Variants in RLBP1 observed in about 807,000 individuals in gnomAD.
RLBP1 encodes the protein retinaldehyde binding protein 1, also known as retinaldehyde-binding protein 1.
Under a neutral mutation model 36.2 loss-of-function variants are expected in RLBP1, and 26 were observed. The observed-to-expected ratio is 0.72, with a 90% CI of 0.53 to 1.00. RLBP1 has a LOEUF of 1.00. Among genes scored for constraint, RLBP1 ranks in the 50% least tolerant of loss-of-function variants. The probability of loss-of-function intolerance (pLI) is 0.00; values close to 1 mark genes in which losing one functional copy is unlikely to be tolerated. For missense variants in RLBP1, 410 were observed against 402.4 expected (o/e 1.02, Z -0.16); for synonymous variants, 155 against 156.2 (o/e 0.99, Z 0.06).
rs781696668 is a variant in RLBP1 at position 89,210,668 on chromosome 15, G to A, written c.795+31C>T. 5 of 1,481,608 alleles carry A rather than the reference G, an allele frequency of 3.4e-6. No homozygotes were observed. The African/African-American group carries it at 7.0e-5, about 21-fold the overall frequency. The allele number at this position is 1,481,608 out of a possible 1,614,324, so 91.8% of individuals were successfully genotyped here. A position where few individuals can be genotyped will look rare whatever the true frequency, so the allele number is the denominator to read the frequency against. On this transcript the variant is annotated intron_variant, in intron 8 of 8. Transcript: ENST00000268125. The surrounding 1 kb of genome is among the most constrained non-coding windows in gnomAD (Gnocchi z 4.7). ...GTGAGGCCCCACCCTCAGCCCTCTT[G>A]TCTCATTGTCTGGGCGGCCCACGTA...
Position 89,218,509 on chromosome 15 carries a change from G to A in RLBP1, c.141+56C>T, listed in dbSNP as rs770394807. On this transcript the variant is annotated intron_variant, in intron 4 of 8. Coordinates refer to ENST00000268125, the MANE Select transcript of RLBP1 (RefSeq NM_000326.5). The surrounding 1 kb of genome is among the most constrained non-coding windows in gnomAD (Gnocchi z 4.6). Reference sequence around the variant, plus strand: ...TTCACAGGAGAGAGAATGCAGTCATGTTCCCCTCATGTTGCCTCCCTAGGC... The same window carrying A: ...TTCACAGGAGAGAGAATGCAGTCATATTCCCCTCATGTTGCCTCCCTAGGC... The A allele has an allele frequency of 9.3e-6, 15 of 1,611,804 alleles. No individual in the cohort carries two copies. The highest frequency in any genetic ancestry group is 1.3e-5 in the Non-Finnish European group (15 of 1,178,588).
At chr15:89,220,695 GA>G (rs2051619678) in intron 1 of RLBP1, among the ~76,000 whole-genome samples, 1 of 152,158 alleles carries the variant, frequency 6.6e-6, no homozygotes, top group African/African-American at 2.4e-5. Flanking sequence ...GGTTTTGCTG[GA>G]ACAGGAATGG....
chr15:89,211,647 A>G lies in RLBP1; in HGVS notation c.684+96T>C. On this transcript the variant is annotated intron_variant, in intron 7 of 8. Coordinates refer to ENST00000268125, the MANE Select transcript of RLBP1 (RefSeq NM_000326.5). The surrounding 1 kb of genome is among the most constrained non-coding windows in gnomAD (Gnocchi z 5.8). ...GCTCTTTATGGCGCGAGGTGGTCCAACTTCTCAGTTCCCTGCAAGCACCAT... is the reference window on the plus strand; with the variant it reads ...GCTCTTTATGGCGCGAGGTGGTCCAGCTTCTCAGTTCCCTGCAAGCACCAT... The G allele has an allele frequency of 7.4e-7, 1 of 1,351,336 alleles. No homozygotes were observed. The highest frequency in any genetic ancestry group is 1.0e-6 in the Non-Finnish European group (1 of 958,874). 83.7% of individuals were successfully genotyped at this position (1,351,336 alleles called of 1,614,324 possible).
Position 89,214,926 on chromosome 15 carries a change from G to A in RLBP1, c.525+134C>T. 1.1e-6 allele frequency: 1 copy of A among 888,172 alleles called. No individual in the cohort carries two copies. The highest frequency in any genetic ancestry group is 2.5e-5 in the East Asian group (1 of 40,566). 55.0% of individuals were successfully genotyped at this position (888,172 alleles called of 1,614,324 possible). A position where few individuals can be genotyped will look rare whatever the true frequency, so the allele number is the denominator to read the frequency against. On this transcript the variant is annotated intron_variant, in intron 6 of 8. Transcript: ENST00000268125. This position sits in a 1 kb window ranked among gnomAD's most constrained non-coding sequence, Gnocchi z 4.6. ...TCTCCCTGCCTGGAAAGGGCTAGGTGGCAGGTGGCTGCCCACCTTTCCCCC... is the reference window on the plus strand; with the variant it reads ...TCTCCCTGCCTGGAAAGGGCTAGGTAGCAGGTGGCTGCCCACCTTTCCCCC...
chr15:89,210,220 G>T lies in RLBP1; in HGVS notation c.*65C>A. 6.3e-7 allele frequency: 1 copy of T among 1,578,648 alleles called. No individual in the cohort carries two copies. On this transcript the variant is annotated 3_prime_UTR_variant, in exon 9 of 9. Coordinates refer to ENST00000268125, the MANE Select transcript of RLBP1 (RefSeq NM_000326.5). This position sits in a 1 kb window ranked among gnomAD's most constrained non-coding sequence, Gnocchi z 4.7. ...TCTCAAGCAGCCCTTTCCTAGCCTT[G>T]GGTCCAGGACAGTTGAGGAGAGGCC...
Position 89,211,939 on chromosome 15 carries a change from G to C in RLBP1, c.526-38C>G. The C allele has an allele frequency of 8.1e-6, 13 of 1,610,674 alleles. No homozygotes were observed. The highest frequency in any genetic ancestry group is 1.1e-5 in the Non-Finnish European group (13 of 1,177,756). On this transcript the variant is annotated intron_variant, in intron 6 of 8. Coordinates refer to ENST00000268125, the MANE Select transcript of RLBP1 (RefSeq NM_000326.5). This position sits in a 1 kb window ranked among gnomAD's most constrained non-coding sequence, Gnocchi z 5.8. ...GAGAACAGGCTGTAAGATCTAACCCGCAACAATAATTAAGGCTTGAGGTCC... is the reference window on the plus strand; with the variant it reads ...GAGAACAGGCTGTAAGATCTAACCCCCAACAATAATTAAGGCTTGAGGTCC...
intron 4 of RLBP1, 62 bp from the exon 5 acceptor site, chr15:89,217,386 A>G (rs2051591380): frequency 1.3e-6 from 2 of 1,523,634 alleles, no homozygotes; most frequent in Non-Finnish European, 1.8e-6. Flanking sequence ...CAGGACACAC[A>G]GGTGATGAGT....
In RLBP1 at chr15:89,218,633, G is replaced by A. The variant is rs749519675; in HGVS notation, c.73C>T (p.Leu25Phe). The A allele has an allele frequency of 1.2e-6, 2 of 1,614,146 alleles. No homozygotes were observed. Among genetic ancestry groups the A allele is most frequent in the African/African-American group, 2.7e-5 (2 of 74,952 alleles). The part of the protein sequence containing the change: ...EQELRAQLEQ[L>F]TTKDHGPVFG... The stretch of plus-strand genomic sequence containing the variant: ...ACAGGTCCATGGTCCTTGGTTGTGA[G>A]CTGCTCCAGTTGGGCACGGAGCTCC... Residue 25 changes from leucine to phenylalanine, a missense_variant, in exon 4 of 9, where the codon CTC (leucine) becomes TTC (phenylalanine). Coordinates refer to ENST00000268125, the MANE Select transcript of RLBP1 (RefSeq NM_000326.5). The surrounding 1 kb of genome is among the most constrained non-coding windows in gnomAD (Gnocchi z 4.6).
At chr15:89,217,898 C>T (rs2051595360) in intron 4 of RLBP1, among the ~76,000 whole-genome samples, 1 of 152,196 alleles carries the variant, frequency 6.6e-6, no homozygotes, top group Non-Finnish European at 1.5e-5. Context: ...AGAACTCCTC[C>T]GTGCGCCTCA....
In RLBP1 at chr15:89,218,464, A is replaced by T; in HGVS notation, c.141+101T>A. Reference sequence around the variant, plus strand: ...GTCTATCAGGTCCAGGATGATCTGGAGTGCCGAGGCTGGACCCTTTTCACA... The same window carrying T: ...GTCTATCAGGTCCAGGATGATCTGGTGTGCCGAGGCTGGACCCTTTTCACA... On this transcript the variant is annotated intron_variant, in intron 4 of 8. Transcript: ENST00000268125. The surrounding 1 kb of genome is among the most constrained non-coding windows in gnomAD (Gnocchi z 4.6). 1.9e-6 allele frequency: 3 copies of T among 1,539,276 alleles called. 1 individual carries two copies. The highest frequency in any genetic ancestry group is 1.7e-4 in the Middle Eastern group (1 of 5,932).
chr15:89,216,457 A>G lies in RLBP1; in HGVS notation c.346+663T>C, dbSNP rs563672868. Among the ~76,000 whole-genome samples, 272 of 152,212 alleles carry G rather than the reference A, an allele frequency of 1.8e-3. 1 individual carries two copies. The highest frequency in any genetic ancestry group is 5.3e-3 in the African/African-American group (222 of 41,520). ...CCTGCTTCAGCCTCCCCAGTAGCTG[A>G]GATTACAGGCATGCGCCACCACGCC... On this transcript the variant is annotated intron_variant, in intron 5 of 8. Coordinates refer to ENST00000268125, the MANE Select transcript of RLBP1 (RefSeq NM_000326.5).
chr15:89,217,373 G>C, intron 4 of RLBP1, 49 bp from the exon 5 acceptor site: 1 of 1,570,400 alleles, frequency 6.4e-7, no homozygotes, highest in Non-Finnish European at 8.7e-7. Context: ...TGCGGGTGAG[G>C]GGCAGGACAC....
In RLBP1 at chr15:89,218,891, G is replaced by A. The variant is rs2051604722; in HGVS notation, c.12+73C>T. The A allele has an allele frequency of 1.9e-6, 3 of 1,555,270 alleles. No homozygotes were observed. The highest frequency in any genetic ancestry group is 2.7e-6 in the Non-Finnish European group (3 of 1,129,932). On this transcript the variant is annotated intron_variant, in intron 3 of 8. Transcript: ENST00000268125. The surrounding 1 kb of genome is among the most constrained non-coding windows in gnomAD (Gnocchi z 4.6). ...GCAGAGCATAAGATAGAGAAGTAAG[G>A]AGGGAGGGAGAGGGAAGAGAGAGAA...
Position 89,218,976 on chromosome 15 carries a change from G to T in RLBP1, c.-1C>A, listed in dbSNP as rs1197174948. 6.2e-7 allele frequency: 1 copy of T among 1,614,032 alleles called. No individual in the cohort carries two copies. Among genetic ancestry groups the T allele is most frequent in the South Asian group, 1.1e-5 (1 of 91,078 alleles). ...ACAGGGTACTTACCCCTTCTGACAT[G>T]TTGCCTATGGAAGACACAGAGTCCT... On this transcript the variant is annotated 5_prime_UTR_variant, in exon 3 of 9. Coordinates refer to ENST00000268125, the MANE Select transcript of RLBP1 (RefSeq NM_000326.5). This position sits in a 1 kb window ranked among gnomAD's most constrained non-coding sequence, Gnocchi z 4.6.
Position 89,210,470 on chromosome 15 carries a change from T to C in RLBP1, c.796-27A>G. 1 of 1,613,684 alleles carries C rather than the reference T, an allele frequency of 6.2e-7. No individual in the cohort carries two copies. Among genetic ancestry groups the C allele is most frequent in the Non-Finnish European group, 8.5e-7 (1 of 1,179,714 alleles). ...TGCAGGGAAGCAAGGGAGACAGAACTGAGCAGGAGGAGGTGCCCTAAGGAT... is the reference window on the plus strand; with the variant it reads ...TGCAGGGAAGCAAGGGAGACAGAACCGAGCAGGAGGAGGTGCCCTAAGGAT... On this transcript the variant is annotated intron_variant, in intron 8 of 8. Coordinates refer to ENST00000268125, the MANE Select transcript of RLBP1 (RefSeq NM_000326.5). The surrounding 1 kb of genome is among the most constrained non-coding windows in gnomAD (Gnocchi z 4.7).
rs1222357770 is a variant in RLBP1 at position 89,214,234 on chromosome 15, G to A, written c.525+826C>T. ...CCAGCACTTTGGGAGGCCGAGGTGG[G>A]CGGATCACTTGAGCTCAGGAGTTTG... On this transcript the variant is annotated intron_variant, in intron 6 of 8. Transcript: ENST00000268125. This position sits in a 1 kb window ranked among gnomAD's most constrained non-coding sequence, Gnocchi z 4.6. Among the ~76,000 whole-genome samples the A allele has an allele frequency of 2.0e-5, 3 of 152,150 alleles. No homozygotes were observed. Among genetic ancestry groups the A allele is most frequent in the Non-Finnish European group, 4.4e-5 (3 of 68,038 alleles).
chr15:89,219,616 C>G (rs2051610643), intron 2 of RLBP1, 121 bp downstream of exon 2: 1 of 156,194 alleles, frequency 6.4e-6, no homozygotes. Flanking sequence ...TTCAAATCCA[C>G]TCTCTCAGAC....
At position 89,210,142 on chromosome 15, in the gene RLBP1, G is replaced by A; in HGVS notation, c.*143C>T. 1 of 895,556 alleles carries A rather than the reference G, an allele frequency of 1.1e-6. No individual in the cohort carries two copies. Among genetic ancestry groups the A allele is most frequent in the Non-Finnish European group, 1.8e-6 (1 of 548,528 alleles). 55.5% of individuals were successfully genotyped at this position (895,556 alleles called of 1,614,324 possible). ...TACCCATCCCCCAACTTGAGAACAG[G>A]GTGACACCTGAGCTCACTCGGGCTT... On this transcript the variant is annotated 3_prime_UTR_variant, in exon 9 of 9. Transcript: ENST00000268125. This position sits in a 1 kb window ranked among gnomAD's most constrained non-coding sequence, Gnocchi z 4.7.
chr15:89,209,905 G>A lies in RLBP1; in HGVS notation c.*380C>T, dbSNP rs115275013. Reference sequence around the variant, plus strand: ...TTATCTTCTTTTATTGCATTTTGGGGGCGAATAGGGGGATATTTTAACCCG... The same window carrying A: ...TTATCTTCTTTTATTGCATTTTGGGAGCGAATAGGGGGATATTTTAACCCG... On this transcript the variant is annotated 3_prime_UTR_variant, in exon 9 of 9. Coordinates refer to ENST00000268125, the MANE Select transcript of RLBP1 (RefSeq NM_000326.5). The A allele has an allele frequency of 6.0e-3, 1,761 of 295,274 alleles. 36 individuals carry two copies. Among genetic ancestry groups the A allele is most frequent in the African/African-American group, 0.035 (1,619 of 46,106 alleles). 18.3% of individuals were successfully genotyped at this position (295,274 alleles called of 1,614,324 possible).
Sources: gnomAD v4.1 joint callset for allele counts (sites outside exome capture counted in the v4.1 genomes callset) on GRCh38, gnomAD v4.1.1 for gene constraint, Gnocchi (gnomAD v3.1) non-coding constraint, MANE v1.5 for transcripts, NCBI Gene and HGNC (gene_info 2026-07-23, HGNC 2026-07-21) for gene names.